Variants in CD1B observed in about 807,000 individuals in gnomAD.
CD1B encodes CD1b molecule.
CD1B carries 43 observed loss-of-function variants against 39.8 expected under a neutral mutation model. The ratio of observed to expected loss-of-function variants is 1.08; its 90% confidence interval spans 0.85 to 1.39. The LOEUF (loss-of-function observed/expected upper bound fraction) is 1.39. Ranked by LOEUF, CD1B falls within the 40% of genes most tolerant of loss-of-function variation. The pLI is 0.00. For missense variants in CD1B, 495 were observed against 403.8 expected (o/e 1.23, Z -1.94); for synonymous variants, 192 against 152.5 (o/e 1.26, Z -1.91).
the CD1B span, among the ~76,000 whole-genome samples, chr1:158,318,122 A>T: frequency 6.6e-6 from 1 of 152,042 alleles, no homozygotes; most frequent in African/African-American, 2.4e-5. Context: ...TGTGGTGCTG[A>T]AAAAAATGTA....
the CD1B span, among the ~76,000 whole-genome samples, chr1:158,315,250 T>G: frequency 6.6e-6 from 1 of 152,182 alleles, no homozygotes; most frequent in Non-Finnish European, 1.5e-5. Flanking sequence ...CCACAATGGC[T>G]GAACTAGTTT....
rs912511686 is a variant in CD1B, at chr1:158,329,516, C to T, written c.740G>A (p.Gly247Asp). ...MWMRGEQEQQ[G>D]TQLGDILPNA... is the part of the protein sequence containing the mutation. ...GGGCAGGATGTCCCCTAGCTGAGTG[C>T]CCTGCTGCTCCTGCTCACCCCGCAT... The change falls in exon 4 of 6, where the codon GGC (glycine) becomes GAC (aspartate). Residue 247 changes from glycine to aspartate, a missense_variant. Coordinates refer to ENST00000368168, the MANE Select transcript of CD1B (RefSeq NM_001764.3). The T allele has an allele frequency of 1.2e-6, 2 of 1,614,170 alleles. No individual in the cohort carries two copies. Among genetic ancestry groups the T allele is most frequent in the Non-Finnish European group, 8.5e-7 (1 of 1,180,040 alleles).
At chr1:158,298,811 CTGTT>C in the CD1B span, among the ~76,000 whole-genome samples, 9 of 152,226 alleles carry the variant, frequency 5.9e-5, no homozygotes, top group Non-Finnish European at 1.0e-4. Flanking sequence ...ATTTGGCTCT[CTGTT>C]TGTCTGTTAT....
At chr1:158,290,584 GA>G in the CD1B span, among the ~76,000 whole-genome samples, 1 of 152,140 alleles carries the variant, frequency 6.6e-6, no homozygotes, top group Non-Finnish European at 1.5e-5. Flanking sequence ...AGCAGATGGG[GA>G]AATGAGAGAT....
chr1:158,292,970 G>C, the CD1B span: 2 of 1,229,988 alleles, frequency 1.6e-6, no homozygotes, highest in Non-Finnish European at 2.3e-6. Context: ...GTGAGGGATT[G>C]TAGGAAGAAA....
chr1:158,325,640 T>TACACAC (rs57890038), downstream of CD1B, among the ~76,000 whole-genome samples: 3 of 148,988 alleles, frequency 2.0e-5, no homozygotes, highest in Admixed American at 1.3e-4. Context: ...ATACATTTTA[T>TACACAC]ACACACACAC....
At chr1:158,323,127 A>G (rs1447907982), downstream of CD1B, among the ~76,000 whole-genome samples, 3 of 151,798 alleles carry the variant, frequency 2.0e-5, no homozygotes, top group East Asian at 3.9e-4. Context: ...CAATGACCCA[A>G]GTATTTGCTC....
At chr1:158,318,600 G>T in the CD1B span, among the ~76,000 whole-genome samples, 9 of 152,184 alleles carry the variant, frequency 5.9e-5, no homozygotes, top group South Asian at 1.5e-3. Context: ...ACACTGATGG[G>T]TCTTGACTCT....
chr1:158,302,237 A>G, the CD1B span, among the ~76,000 whole-genome samples: 1 of 152,188 alleles, frequency 6.6e-6, no homozygotes, highest in Non-Finnish European at 1.5e-5. Context: ...AATTGTTCTA[A>G]CAAATGAAAA....
chr1:158,296,250 C>T, the CD1B span, among the ~76,000 whole-genome samples: 1 of 150,648 alleles, frequency 6.6e-6, no homozygotes, highest in African/African-American at 2.5e-5. Context: ...GAAGCAGGTG[C>T]TCAGTCTCAA....
chr1:158,304,096 G>A, the CD1B span, among the ~76,000 whole-genome samples: 2 of 152,054 alleles, frequency 1.3e-5, no homozygotes, highest in Admixed American at 1.3e-4. Flanking sequence ...AGTGGGTGCA[G>A]GACAGTGGGT....
the CD1B span, chr1:158,293,487 C>T: frequency 2.5e-6 from 4 of 1,614,132 alleles, no homozygotes; most frequent in Non-Finnish European, 2.5e-6. Context: ...GACTCTTCCC[C>T]CTGACTCCCC....
the CD1B span, among the ~76,000 whole-genome samples, chr1:158,307,695 G>T: frequency 6.6e-6 from 1 of 152,080 alleles, no homozygotes; most frequent in Admixed American, 6.6e-5. Flanking sequence ...ATAAAATACT[G>T]GCAAACCGAA....
chr1:158,331,163 G>A lies in CD1B; in HGVS notation c.62-101C>T, dbSNP rs144502889. ...ATGATTTAGAAAACAAGAACCTAGA[G>A]TCTAAAGAACACAGGAAGTCTGACA... On this transcript the variant is annotated intron_variant, in intron 1 of 5. Coordinates refer to ENST00000368168, the MANE Select transcript of CD1B (RefSeq NM_001764.3). 792 of 1,294,526 alleles carry A rather than the reference G, an allele frequency of 6.1e-4. 4 individuals carry two copies. In the African/African-American group the frequency reaches 0.011, roughly 18 times the overall value. 80.2% of individuals were successfully genotyped at this position (1,294,526 alleles called of 1,614,324 possible).
At chr1:158,308,846 A>G in the CD1B span, among the ~76,000 whole-genome samples, 1 of 152,232 alleles carries the variant, frequency 6.6e-6, no homozygotes, top group Admixed American at 6.5e-5. Flanking sequence ...TGGATTAAAG[A>G]CTTACATGTT....
At chr1:158,317,786 T>C in the CD1B span, among the ~76,000 whole-genome samples, 1,675 of 152,356 alleles carry the variant, frequency 0.011, 19 homozygotes, top group Non-Finnish European at 0.015. Flanking sequence ...TCCTGCTTTC[T>C]CTTGTGGGCA....
the CD1B span, chr1:158,292,930 GA>G: frequency 6.4e-7 from 1 of 1,567,480 alleles, no homozygotes; most frequent in South Asian, 1.1e-5. Flanking sequence ...GAGGTTAGGG[GA>G]GAGGAAATTT....
At chr1:158,311,159 T>C in the CD1B span, among the ~76,000 whole-genome samples, 1 of 152,188 alleles carries the variant, frequency 6.6e-6, no homozygotes, top group Middle Eastern at 3.2e-3. Context: ...TTTTTGTTTG[T>C]TTTGTTTTTA....
chr1:158,306,176 A>T, the CD1B span, among the ~76,000 whole-genome samples: 3 of 152,248 alleles, frequency 2.0e-5, no homozygotes, highest in Non-Finnish European at 4.4e-5. Flanking sequence ...TGCTGTATTC[A>T]GGAAACCCAT....
Sources: gnomAD v4.1 joint callset for allele counts (sites outside exome capture counted in the v4.1 genomes callset) on GRCh38, gnomAD v4.1.1 for gene constraint, MANE v1.5 for transcripts, NCBI Gene and HGNC (gene_info 2026-07-23, HGNC 2026-07-21) for gene names.